Variants in CPS1 observed in about 807,000 individuals in gnomAD.
CPS1 encodes carbamoyl-phosphate synthase [ammonia], mitochondrial.
In CPS1, 109 loss-of-function variants were observed where a neutral mutation model predicts 174.6. The observed-to-expected ratio is 0.62, with a 90% CI of 0.53 to 0.73. The LOEUF (loss-of-function observed/expected upper bound fraction) is 0.73, where lower values mean the gene tolerates loss of function less well. Among genes scored for constraint, CPS1 ranks in the 30% least tolerant of loss-of-function variants. The pLI is 0.00. For missense variants in CPS1, 1,689 were observed against 1,821.9 expected (o/e 0.93, Z 1.33); for synonymous variants, 637 against 632.0 (o/e 1.01, Z -0.12).
chr2:210,662,268 A>T (rs1700949112), intron 32 of CPS1, among the ~76,000 whole-genome samples: 1 of 152,120 alleles, frequency 6.6e-6, no homozygotes, highest in Non-Finnish European at 1.5e-5. Context: ...TATAAATCTT[A>T]GTTTTTTTCA....
intron 31 of CPS1, 55 bp downstream of exon 31, chr2:210,658,743 G>C: frequency 7.8e-7 from 1 of 1,280,590 alleles, no homozygotes; most frequent in South Asian, 1.2e-5. Context: ...CGTCATGTTG[G>C]TTTGCATCTC....
At chr2:210,621,553 T>C (rs948579529) in intron 21 of CPS1, among the ~76,000 whole-genome samples, 24 of 152,232 alleles carry the variant, frequency 1.6e-4, no homozygotes, top group African/African-American at 5.5e-4. Flanking sequence ...TGTAGTATTT[T>C]AATAAATACC....
intron 37 of CPS1, 54 bp downstream of exon 37, chr2:210,677,190 C>T (rs1044140474): frequency 1.3e-6 from 2 of 1,559,510 alleles, no homozygotes; most frequent in African/African-American, 1.4e-5. Flanking sequence ...TCTGTGCCTC[C>T]CTTAAGAGTG....
intron 1 of CPS1, among the ~76,000 whole-genome samples, chr2:210,514,073 T>G (rs1695606204): frequency 6.6e-6 from 1 of 152,110 alleles, no homozygotes; most frequent in Non-Finnish European, 1.5e-5. Flanking sequence ...GCATGCTGTT[T>G]TTGTTACTGT....
In CPS1 at chr2:210,606,723, A is replaced by T. The variant is rs563304664; in HGVS notation, c.1982-8A>T. 1.9e-6 allele frequency: 3 copies of T among 1,611,998 alleles called. No individual in the cohort carries two copies. Among genetic ancestry groups the T allele is most frequent in the Admixed American group, 3.3e-5 (2 of 59,798 alleles). The stretch of plus-strand genomic sequence containing the variant: ...CCACCAAGTAATGAGTGCTTCTTGG[A>T]TATATAGGTGACTCAGTTGTTGTGG... On this transcript the variant is annotated splice_region_variant and splice_polypyrimidine_tract_variant and intron_variant, in intron 17 of 37. Transcript: ENST00000233072.
intron 13 of CPS1, among the ~76,000 whole-genome samples, chr2:210,598,307 A>G (rs1429785942): frequency 1.3e-5 from 2 of 151,904 alleles, no homozygotes; most frequent in African/African-American, 2.4e-5. Flanking sequence ...TACACAAACA[A>G]ACCAACATAA....
chr2:210,657,762 T>C (rs1232470634), intron 30 of CPS1: 2 of 152,208 alleles, frequency 1.3e-5, no homozygotes, highest in East Asian at 3.9e-4. Context: ...TTGGGCTGGA[T>C]TCTGAAGGTC....
At chr2:210,642,795 T>C in intron 25 of CPS1, 130 bp downstream of exon 25, 1 of 839,260 alleles carries the variant, frequency 1.2e-6, no homozygotes. Flanking sequence ...GCCAGTGGCA[T>C]CCATTGTCTT....
At chr2:210,490,181 C>T (rs1694835710) in intron 1 of CPS1, among the ~76,000 whole-genome samples, 1 of 152,114 alleles carries the variant, frequency 6.6e-6, no homozygotes, top group South Asian at 2.1e-4. Context: ...CTCAGGAATA[C>T]CATTTAGAAA....
intron 19 of CPS1, 99 bp downstream of exon 19, chr2:210,608,658 C>T (rs1383704791): frequency 1.8e-6 from 2 of 1,129,090 alleles, no homozygotes; most frequent in East Asian, 4.8e-5. Flanking sequence ...ATACCATCAA[C>T]ACATGGACAG....
At chr2:210,664,043 A>T (rs1010334388) in intron 33 of CPS1, among the ~76,000 whole-genome samples, 4 of 152,186 alleles carry the variant, frequency 2.6e-5, no homozygotes, top group African/African-American at 7.2e-5. Flanking sequence ...TGTGATGAGA[A>T]GCCAAGTGAG....
intron 34 of CPS1, among the ~76,000 whole-genome samples, chr2:210,670,227 C>A (rs1350887089): frequency 6.6e-6 from 1 of 151,984 alleles, no homozygotes; most frequent in African/African-American, 2.4e-5. Context: ...TTAAAAAGTA[C>A]TTAAAGGAAC....
intron 36 of CPS1, among the ~76,000 whole-genome samples, chr2:210,676,146 A>G (rs1701525991): frequency 6.6e-6 from 1 of 152,246 alleles, no homozygotes. Context: ...TATTGTGTAT[A>G]GATAAGTACA....
chr2:210,513,303 A>G (rs1695581724), intron 1 of CPS1, among the ~76,000 whole-genome samples: 1 of 151,588 alleles, frequency 6.6e-6, no homozygotes. Flanking sequence ...TCAACAGTGT[A>G]TAAGCATTCC....
At position 210,513,151 on chromosome 2, in the gene CPS1, G is replaced by GAT. The variant is rs201308245; in HGVS notation, c.3+35396_3+35397dup. ...ATATATGGAGATATATATATGGGGAGATATATATATATGTATGGATATATA... is the reference window on the plus strand; with the variant it reads ...ATATATGGAGATATATATATGGGGAGATATATATATATATGTATGGATATATA... On this transcript the variant is annotated intron_variant, in intron 1 of 38. Transcript: ENST00000430249. Among the ~76,000 whole-genome samples, 14 of 140,986 alleles carry GAT rather than the reference G, an allele frequency of 9.9e-5. 2 individuals carry two copies. The highest frequency in any genetic ancestry group is 1.7e-4 in the Non-Finnish European group (11 of 65,142). 92.5% of individuals were successfully genotyped at this position (140,986 alleles called of 152,430 possible).
intron 1 of CPS1, among the ~76,000 whole-genome samples, chr2:210,511,312 A>C (rs1039058949): frequency 1.3e-5 from 2 of 152,050 alleles, no homozygotes; most frequent in Non-Finnish European, 2.9e-5. Context: ...GTTCTTACTC[A>C]TAGGTGGGAA....
intron 8 of CPS1, 37 bp from the exon 9 acceptor site, chr2:210,590,763 T>G: frequency 2.0e-6 from 3 of 1,535,018 alleles, no homozygotes; most frequent in Non-Finnish European, 2.7e-6. Flanking sequence ...TTTTTGGAAC[T>G]GTACTAATTG....
At chr2:210,625,452 C>T (rs1045880424) in intron 21 of CPS1, among the ~76,000 whole-genome samples, 7 of 151,984 alleles carry the variant, frequency 4.6e-5, no homozygotes, top group African/African-American at 1.7e-4. Context: ...TCATACAAGT[C>T]TCGATGTACA....
At chr2:210,645,946 TATC>T (rs1202739701) in intron 25 of CPS1, among the ~76,000 whole-genome samples, 1 of 152,192 alleles carries the variant, frequency 6.6e-6, no homozygotes, top group Non-Finnish European at 1.5e-5. Context: ...TAGCAGCTAT[TATC>T]TTACTATTGT....
Sources: allele counts gnomAD v4.1 joint callset (sites outside exome capture counted in the v4.1 genomes callset), GRCh38; gene constraint gnomAD v4.1.1; transcripts MANE v1.5; gene names NCBI Gene and HGNC (gene_info 2026-07-23, HGNC 2026-07-21).